Variants in IPO5 observed in about 807,000 individuals in gnomAD.
IPO5 encodes the protein importin 5.
Under a neutral mutation model 143.3 loss-of-function variants are expected in IPO5, and 18 were observed. The ratio of observed to expected loss-of-function variants is 0.13; its 90% CI spans 0.09 to 0.19. The LOEUF is 0.19. IPO5 is among the 10% of genes least tolerant of loss of function. The probability of loss-of-function intolerance (pLI) is 1.00; values close to 1 mark genes in which losing one functional copy is unlikely to be tolerated. For missense variants in IPO5, 1,013 were observed against 1,336.9 expected (o/e 0.76, Z 3.78); for synonymous variants, 477 against 465.7 (o/e 1.02, Z -0.31).
chr13:98,020,503 A>C (rs1890409842), intron 27 of IPO5, among the ~76,000 whole-genome samples: 1 of 152,224 alleles, frequency 6.6e-6, no homozygotes, highest in Non-Finnish European at 1.5e-5. Flanking sequence ...ACCAGGTCTT[A>C]ATCATGCTAT....
rs1319006802 is a variant in IPO5 at position 98,021,756 on chromosome 13, T to C, written c.3228T>C (p.Thr1076=). ...RQVQTSGGLW[T]ECIAQLSPEQ... The stretch of plus-strand genomic sequence containing the variant: ...CCTAGACTTCTGGAGGACTGTGGAC[T>C]GAGTGCATAGCACAGCTCAGTCCTG... Residue 1076 remains threonine, a synonymous_variant, in exon 29 of 29, where the codon ACT becomes ACC. Transcript: ENST00000651721. 1 of 1,571,546 alleles carries C rather than the reference T, an allele frequency of 6.4e-7. No homozygotes were observed. Among genetic ancestry groups the C allele is most frequent in the East Asian group, 2.3e-5 (1 of 44,274 alleles).
chr13:97,980,986 G>A (rs185550168), intron 4 of IPO5, among the ~76,000 whole-genome samples: 51 of 152,294 alleles, frequency 3.3e-4, no homozygotes, highest in African/African-American at 1.2e-3. Flanking sequence ...ACTGGTATAA[G>A]GAGTTGCTTT....
chr13:97,956,888 G>C (rs1309895241), intron 2 of IPO5, among the ~76,000 whole-genome samples: 2 of 152,116 alleles, frequency 1.3e-5, no homozygotes, highest in Non-Finnish European at 2.9e-5. Flanking sequence ...ATTTTAAGCT[G>C]TATTAAGATT....
intron 3 of IPO5, among the ~76,000 whole-genome samples, chr13:97,971,662 T>C (rs1202263967): frequency 6.6e-6 from 1 of 152,238 alleles, no homozygotes; most frequent in East Asian, 1.9e-4. Context: ...TAATTACTTG[T>C]TTAAGGCCAG....
In IPO5 at chr13:98,015,587, G is replaced by C. The variant is rs1341436730; in HGVS notation, c.2383G>C (p.Gly795Arg). The C allele has an allele frequency of 1.2e-6, 2 of 1,612,404 alleles. No homozygotes were observed. Among genetic ancestry groups the C allele is most frequent in the African/African-American group, 2.7e-5 (2 of 74,832 alleles). ...TAATGAACACTTTGAAGAACTGGGA[G>C]GTATATTGAAAGCAAAGCTTGAAGA... is the stretch of plus-strand genomic sequence containing the variant. ...LNNEHFEELG[G>R]ILKAKLEEHF... Residue 795 changes from glycine to arginine, a missense_variant, in exon 23 of 29, where the codon GGT becomes CGT. This residue lies in a region of IPO5 where 685 missense variants were observed against 994.9 expected (regional missense o/e 0.69). Coordinates refer to ENST00000651721, the MANE Select transcript of IPO5 (RefSeq NM_002271.6).
intron 22 of IPO5, among the ~76,000 whole-genome samples, chr13:98,014,838 CTTT>C (rs780865647): frequency 8.2e-6 from 1 of 122,158 alleles, no homozygotes. Context: ...CAATTCTTCT[CTTT>C]TTTTTTTTTT....
At chr13:97,987,936 A>C (rs780186050) in intron 6 of IPO5, 1 of 259,518 alleles carries the variant, frequency 3.9e-6, no homozygotes, top group African/African-American at 2.2e-5. Context: ...AAAGTATTCA[A>C]AGTGCTCTCA....
intron 9 of IPO5, among the ~76,000 whole-genome samples, chr13:97,991,629 TTGAG>T (rs1887812192): frequency 6.6e-6 from 1 of 152,176 alleles, no homozygotes; most frequent in East Asian, 1.9e-4. Flanking sequence ...CGCATTTCCT[TTGAG>T]TGACGTGTCT....
chr13:98,013,923 A>C, intron 21 of IPO5, 119 bp from the exon 22 acceptor site: 1 of 762,802 alleles, frequency 1.3e-6, no homozygotes, highest in Non-Finnish European at 2.1e-6. Context: ...TATATTTAAC[A>C]CAAGCTCTTG....
At position 98,002,716 on chromosome 13, in the gene IPO5, C is replaced by T. The variant is rs888925492; in HGVS notation, c.1266C>T (p.Ala422=). Residue 422 remains alanine (A), a synonymous_variant, in exon 15 of 29, where the codon GCC becomes GCT. Coordinates refer to ENST00000651721, the MANE Select transcript of IPO5 (RefSeq NM_002271.6). ...GAGTAAGGTATGCAGCCTGTAATGC[C>T]GTGGGACAGATGGCTACAGATTTTG... ...HPRVRYAACN[A]VGQMATDFAP... The T allele has an allele frequency of 6.8e-6, 11 of 1,612,356 alleles. No homozygotes were observed. Among genetic ancestry groups the T allele is most frequent in the Admixed American group, 5.0e-5 (3 of 59,604 alleles).
chr13:97,972,750 A>G (rs1885925039), intron 3 of IPO5, among the ~76,000 whole-genome samples: 2 of 152,226 alleles, frequency 1.3e-5, no homozygotes, highest in South Asian at 4.1e-4. Context: ...AGCAAAACTC[A>G]AAGTTTTCTA....
intron 2 of IPO5, among the ~76,000 whole-genome samples, chr13:97,957,476 A>C (rs956712282): frequency 4.6e-5 from 7 of 152,116 alleles, no homozygotes; most frequent in Admixed American, 4.6e-4. Context: ...GATTACAGGC[A>C]TGAGCCACCG....
At chr13:98,003,479 A>G (rs1255645168) in intron 16 of IPO5, among the ~76,000 whole-genome samples, 1 of 152,198 alleles carries the variant, frequency 6.6e-6, no homozygotes, top group Non-Finnish European at 1.5e-5. Context: ...GAGCTTAGAT[A>G]GTAATAGTGG....
At chr13:97,989,859 C>T (rs1887675344) in intron 7 of IPO5, among the ~76,000 whole-genome samples, 1 of 152,256 alleles carries the variant, frequency 6.6e-6, no homozygotes, top group South Asian at 2.1e-4. Flanking sequence ...GGTCAGCTTT[C>T]GACTGAGACA....
chr13:97,966,709 G>A (rs532301545), intron 2 of IPO5, among the ~76,000 whole-genome samples: 14 of 152,256 alleles, frequency 9.2e-5, no homozygotes, highest in South Asian at 2.1e-4. Flanking sequence ...CACCAGTAAA[G>A]TCATCTGGTC....
intron 3 of IPO5, among the ~76,000 whole-genome samples, chr13:97,971,333 A>G (rs2139562111): frequency 6.6e-6 from 1 of 152,336 alleles, no homozygotes; most frequent in African/African-American, 2.4e-5. Flanking sequence ...CACTGACTGT[A>G]TGTAACAGAC....
chr13:97,996,702 A>G (rs1004533164), intron 11 of IPO5, among the ~76,000 whole-genome samples: 2 of 152,022 alleles, frequency 1.3e-5, no homozygotes, highest in African/African-American at 4.8e-5. Flanking sequence ...TCCCAGGTTC[A>G]CGCCATTCTC....
intron 4 of IPO5, among the ~76,000 whole-genome samples, chr13:97,977,420 T>C (rs1377733572): frequency 6.6e-6 from 1 of 152,196 alleles, no homozygotes; most frequent in East Asian, 1.9e-4. Flanking sequence ...AGGGTTTCTT[T>C]CTATGCAGTT....
At chr13:97,993,562 A>G (rs624457) in intron 11 of IPO5, among the ~76,000 whole-genome samples, 3,857 of 152,344 alleles carry the variant, frequency 0.025, 149 homozygotes, top group African/African-American at 0.086. Flanking sequence ...GTAGCGAACT[A>G]CAAACCAAAA....
Sources: allele counts gnomAD v4.1 joint callset (sites outside exome capture counted in the v4.1 genomes callset), GRCh38; gene constraint gnomAD v4.1.1; regional missense constraint gnomAD v4.1.1; transcripts MANE v1.5; gene names NCBI Gene and HGNC (gene_info 2026-07-23, HGNC 2026-07-21).